The following CNTNAP2 variants were observed in gnomAD, a reference collection of about 807,000 sequenced individuals.
CNTNAP2 encodes the protein contactin associated protein 2.
Under a neutral mutation model 155.2 loss-of-function variants are expected in CNTNAP2, and 98 were observed. That is an observed-to-expected ratio of 0.63 (90% CI 0.54 to 0.75). The LOEUF is 0.75. Ranked by LOEUF, CNTNAP2 falls within the 30% of genes least tolerant of loss-of-function variation. The pLI, the probability that CNTNAP2 is intolerant of heterozygous loss-of-function variation, is 0.00. For synonymous variants in CNTNAP2, 651 were observed against 631.2 expected, an observed-to-expected ratio of 1.03 and a Z score of -0.47; for missense variants, 1,727 against 1,688.1, an observed-to-expected ratio of 1.02 and a Z score of -0.40.
chr7:147,294,424 T>C (rs1805383373), intron 8 of CNTNAP2, among the ~76,000 whole-genome samples: 1 of 152,210 alleles, frequency 6.6e-6, no homozygotes, highest in Non-Finnish European at 1.5e-5. Flanking sequence ...ACAAATCATC[T>C]TCACCTTTGT....
chr7:146,442,779 C>A (rs780377322), intron 1 of CNTNAP2, among the ~76,000 whole-genome samples: 1 of 152,176 alleles, frequency 6.6e-6, no homozygotes, highest in Non-Finnish European at 1.5e-5. Context: ...AACATTAGTA[C>A]TTGAGGCTTG....
intron 1 of CNTNAP2, among the ~76,000 whole-genome samples, chr7:146,357,564 C>T (rs1795017558): frequency 6.6e-6 from 1 of 152,070 alleles, no homozygotes; most frequent in Admixed American, 6.5e-5. Context: ...ATGGCTAATT[C>T]CAGCTGCCGT....
intron 1 of CNTNAP2, among the ~76,000 whole-genome samples, chr7:146,140,330 G>T (rs1164943606): frequency 2.0e-5 from 3 of 152,034 alleles, no homozygotes; most frequent in East Asian, 3.9e-4. Flanking sequence ...AGTTTCATCT[G>T]TCCATCTCCT....
chr7:148,387,057 T>A lies in CNTNAP2; in HGVS notation c.3715+3169T>A, dbSNP rs148134417. ...AGAGGACTTACGGTAGGTTTCTTGATCATCTTCCTGGGAGTAAAAGCCACC... is the reference window on the plus strand; with the variant it reads ...AGAGGACTTACGGTAGGTTTCTTGAACATCTTCCTGGGAGTAAAAGCCACC... On this transcript the variant is annotated intron_variant, in intron 22 of 23. Transcript: ENST00000361727. Among the ~76,000 whole-genome samples the A allele has an allele frequency of 6.2e-4, 95 of 152,300 alleles. 1 individual carries two copies. In the East Asian group the frequency reaches 0.017, roughly 27 times the overall value.
At chr7:146,365,161 A>C (rs969636322) in intron 1 of CNTNAP2, among the ~76,000 whole-genome samples, 1 of 152,050 alleles carries the variant, frequency 6.6e-6, no homozygotes, top group Non-Finnish European at 1.5e-5. Flanking sequence ...GCACCACTTC[A>C]TATGCATGTC....
chr7:146,237,204 C>T (rs573035649), intron 1 of CNTNAP2, among the ~76,000 whole-genome samples: 1 of 152,212 alleles, frequency 6.6e-6, no homozygotes, highest in Middle Eastern at 3.4e-3. Context: ...GTGACTTTAA[C>T]CCTGGGAACC....
intron 14 of CNTNAP2, among the ~76,000 whole-genome samples, chr7:147,928,137 T>A (rs1045350418): frequency 1.9e-4 from 29 of 152,198 alleles, no homozygotes; most frequent in Non-Finnish European, 4.4e-5. Context: ...CCATGTAAGA[T>A]GTGCCTTTCA....
chr7:146,389,350 T>C (rs1001762669), intron 1 of CNTNAP2, among the ~76,000 whole-genome samples: 1 of 152,112 alleles, frequency 6.6e-6, no homozygotes, highest in Non-Finnish European at 1.5e-5. Context: ...GTTCTTAAGT[T>C]CTGGAAAATT....
At chr7:147,411,557 A>T (rs1422491416) in intron 10 of CNTNAP2, among the ~76,000 whole-genome samples, 2 of 152,196 alleles carry the variant, frequency 1.3e-5, no homozygotes, top group Admixed American at 6.5e-5. Flanking sequence ...AGACTCAAAC[A>T]TTCTGCTCCA....
At chr7:146,371,220 T>C (rs1484572055) in intron 1 of CNTNAP2, among the ~76,000 whole-genome samples, 1 of 152,070 alleles carries the variant, frequency 6.6e-6, no homozygotes, top group Non-Finnish European at 1.5e-5. Context: ...TAAATAATGG[T>C]GATAGGAGCC....
chr7:147,192,087 A>C (rs2116525831), intron 8 of CNTNAP2, among the ~76,000 whole-genome samples: 1 of 152,362 alleles, frequency 6.6e-6, no homozygotes, highest in East Asian at 1.9e-4. Flanking sequence ...ATTAGTAAAT[A>C]AATAAATGCA....
chr7:148,373,600 C>T (rs1186887349), intron 21 of CNTNAP2, among the ~76,000 whole-genome samples: 1 of 152,210 alleles, frequency 6.6e-6, no homozygotes, highest in Non-Finnish European at 1.5e-5. Flanking sequence ...TTGACCAAAG[C>T]ATCATTATGT....
chr7:146,210,904 T>G (rs2116882864), intron 1 of CNTNAP2, among the ~76,000 whole-genome samples: 1 of 152,100 alleles, frequency 6.6e-6, no homozygotes, highest in South Asian at 2.1e-4. Flanking sequence ...CACACTTTTG[T>G]TTTAAGGTAA....
intron 9 of CNTNAP2, among the ~76,000 whole-genome samples, chr7:147,309,749 T>G (rs1795089109): frequency 6.6e-6 from 1 of 152,152 alleles, no homozygotes; most frequent in Admixed American, 6.5e-5. Context: ...ACTTTTATTT[T>G]TGGTTCAGGG....
chr7:148,018,501 C>T (rs923737895), intron 15 of CNTNAP2, among the ~76,000 whole-genome samples: 15 of 152,090 alleles, frequency 9.9e-5, no homozygotes, highest in Non-Finnish European at 1.9e-4. Context: ...AAAACTCACA[C>T]AATGAACCAG....
intron 10 of CNTNAP2, among the ~76,000 whole-genome samples, chr7:147,405,825 G>A (rs532485791): frequency 2.6e-5 from 4 of 152,036 alleles, no homozygotes; most frequent in African/African-American, 4.8e-5. Flanking sequence ...TTTAGTTTTC[G>A]CTGCACTTGA....
At chr7:146,259,716 T>A (rs1799892153) in intron 1 of CNTNAP2, among the ~76,000 whole-genome samples, 1 of 152,124 alleles carries the variant, frequency 6.6e-6, no homozygotes. Flanking sequence ...ACAAAGAGAT[T>A]ACCTAAAACT....
intron 15 of CNTNAP2, among the ~76,000 whole-genome samples, chr7:148,095,204 A>C (rs1803937450): frequency 6.6e-6 from 1 of 152,146 alleles, no homozygotes; most frequent in African/African-American, 2.4e-5. Flanking sequence ...CTCCTAGTGT[A>C]ACCCTGCAAA....
chr7:147,046,337 C>CA (rs991282554), intron 4 of CNTNAP2, among the ~76,000 whole-genome samples: 3 of 151,996 alleles, frequency 2.0e-5, no homozygotes, highest in Non-Finnish European at 4.4e-5. Flanking sequence ...TCTTGTTTTT[C>CA]AAAAAAATTT....
Sources: allele counts gnomAD v4.1 joint callset (sites outside exome capture counted in the v4.1 genomes callset), GRCh38; gene constraint gnomAD v4.1.1; transcripts MANE v1.5; gene names NCBI Gene and HGNC (gene_info 2026-07-23, HGNC 2026-07-21).